PLEKHG3: variants seen among roughly 807,000 people sequenced by gnomAD.
The protein encoded by PLEKHG3 is pleckstrin homology domain-containing family G member 3.
In PLEKHG3, 62 loss-of-function variants were observed where a neutral mutation model predicts 94.9. The observed-to-expected ratio is 0.65, with a 90% CI of 0.53 to 0.81. PLEKHG3 has a LOEUF of 0.81. PLEKHG3 is among the 30% of genes least tolerant of loss of function. The pLI, the probability that PLEKHG3 is intolerant of heterozygous loss-of-function variation, is 0.00. For missense variants in PLEKHG3, 1,461 were observed against 1,619.3 expected (o/e 0.90, Z 1.68); for synonymous variants, 614 against 654.0 (o/e 0.94, Z 0.93).
chr14:64,714,711 C>A (rs2081110843), intron 1 of PLEKHG3, among the ~76,000 whole-genome samples: 1 of 152,216 alleles, frequency 6.6e-6, no homozygotes, highest in Non-Finnish European at 1.5e-5. Context: ...TATGACCAGG[C>A]AGCGGAGAGG....
rs2081922597 is a variant in PLEKHG3 at position 64,750,158 on chromosome 14, C to G, written c.*6455C>G. The G allele has an allele frequency of 6.2e-7, 1 of 1,609,718 alleles. No individual in the cohort carries two copies. Among genetic ancestry groups the G allele is most frequent in the African/African-American group, 1.3e-5 (1 of 74,816 alleles). On this transcript the variant is annotated 3_prime_UTR_variant, in exon 17 of 17. Coordinates refer to ENST00000247226, the MANE Select transcript of PLEKHG3 (RefSeq NM_001308147.2). ...ACAGTACAGGTTGTTCCAGGACCTG[C>G]AAAGATGCAGACAGGCAGGTCACCC...
At chr14:64,734,433 G>A (rs1341564997) in intron 12 of PLEKHG3, among the ~76,000 whole-genome samples, 2 of 152,134 alleles carry the variant, frequency 1.3e-5, no homozygotes, top group African/African-American at 4.8e-5. Context: ...TGTTAGCATC[G>A]AAACTTTAGC....
intron 12 of PLEKHG3, among the ~76,000 whole-genome samples, chr14:64,734,075 G>A (rs973862918): frequency 1.3e-5 from 2 of 152,222 alleles, no homozygotes; most frequent in Non-Finnish European, 2.9e-5. Context: ...GAATGTGTGT[G>A]TGGATTGACA....
intron 1 of PLEKHG3, among the ~76,000 whole-genome samples, chr14:64,708,185 C>T (rs956196504): frequency 6.6e-6 from 1 of 152,266 alleles, no homozygotes; most frequent in East Asian, 1.9e-4. Context: ...ACGTGGGACT[C>T]CCAGGTATGT....
chr14:64,724,137 G>A (rs1280122260), intron 1 of PLEKHG3, among the ~76,000 whole-genome samples: 1 of 152,018 alleles, frequency 6.6e-6, no homozygotes, highest in Admixed American at 6.5e-5. Context: ...AGCACCAGGG[G>A]AGGCACTTTA....
chr14:64,742,115 G>A lies in PLEKHG3; in HGVS notation c.2598G>A (p.Pro866=), dbSNP rs374426441. The A allele has an allele frequency of 6.2e-6, 10 of 1,610,430 alleles. No individual in the cohort carries two copies. In the African/African-American group the frequency reaches 1.2e-4, roughly 19 times the overall value. ...CAGAGGAGTCGGCCACTGCCTCCCC[G>A]GAAAGCTCCTCTCCCACTGAGGGGC... ...AITEESATAS[P]ESSSPTEGRS... is the part of the protein sequence containing the mutation. Residue 866 remains proline (P), a synonymous_variant, in exon 16 of 17, where the codon CCG becomes CCA. Coordinates refer to ENST00000247226, the MANE Select transcript of PLEKHG3 (RefSeq NM_001308147.2).
rs547304370 is a variant in PLEKHG3 at position 64,722,571 on chromosome 14, G to A, written c.-39-5022G>A. ...CCGTGTGGATTCCTCCCCAGCTGGG[G>A]CCTTTGGAGCAGCTGCCCCATGGGG... On this transcript the variant is annotated intron_variant, in intron 1 of 16. Coordinates refer to ENST00000247226, the MANE Select transcript of PLEKHG3 (RefSeq NM_001308147.2). This position sits in a 1 kb window ranked among gnomAD's most constrained non-coding sequence, Gnocchi z 4.3. Among the ~76,000 whole-genome samples the A allele has an allele frequency of 6.6e-6, 1 of 152,234 alleles. No homozygotes were observed. The highest frequency in any genetic ancestry group is 2.4e-5 in the African/African-American group (1 of 41,542).
At position 64,745,727 on chromosome 14, in the gene PLEKHG3, A is replaced by C. The variant is rs2081823037; in HGVS notation, c.*2024A>C. The C allele has an allele frequency of 2.0e-5, 3 of 152,228 alleles. 1 individual carries two copies. The South Asian group carries it at 6.2e-4, about 32-fold the overall frequency. The allele number at this position is 152,228 out of a possible 1,614,324, so 9.4% of individuals were successfully genotyped here. A position where few individuals can be genotyped will look rare whatever the true frequency, so the allele number is the denominator to read the frequency against. ...CAAGAGAGGTTGTCACTAGCCTCTGATCTTCCCTTGAAGAACCCGACTGGG... is the reference window on the plus strand; with the variant it reads ...CAAGAGAGGTTGTCACTAGCCTCTGCTCTTCCCTTGAAGAACCCGACTGGG... On this transcript the variant is annotated 3_prime_UTR_variant, in exon 17 of 17. Coordinates refer to ENST00000247226, the MANE Select transcript of PLEKHG3 (RefSeq NM_001308147.2). The surrounding 1 kb of genome is among the most constrained non-coding windows in gnomAD (Gnocchi z 5.0).
chr14:64,723,822 G>C lies in PLEKHG3; in HGVS notation c.-39-3771G>C, dbSNP rs1380130927. 1.3e-5 allele frequency: 2 copies of C among 152,316 alleles called. No individual in the cohort carries two copies. The highest frequency in any genetic ancestry group is 1.3e-4 in the Admixed American group (2 of 15,282). 9.4% of individuals were successfully genotyped at this position (152,316 alleles called of 1,614,324 possible). A position where few individuals can be genotyped will look rare whatever the true frequency, so the allele number is the denominator to read the frequency against. On this transcript the variant is annotated intron_variant, in intron 1 of 16. Coordinates refer to ENST00000247226, the MANE Select transcript of PLEKHG3 (RefSeq NM_001308147.2). This position sits in a 1 kb window ranked among gnomAD's most constrained non-coding sequence, Gnocchi z 4.5. ...GGCCGAGAAAGCGAGTTTTCTAGAA[G>C]ACTGATTCACTGATTGATGACTGAC...
intron 1 of PLEKHG3, among the ~76,000 whole-genome samples, chr14:64,707,310 C>A (rs530838487): frequency 2.6e-5 from 4 of 152,234 alleles, no homozygotes; most frequent in Non-Finnish European, 5.9e-5. Context: ...CAGATTCCCA[C>A]ACCGTCTTTT....
intron 12 of PLEKHG3, among the ~76,000 whole-genome samples, chr14:64,734,783 C>T (rs1483584651): frequency 6.6e-6 from 1 of 150,606 alleles, no homozygotes; most frequent in Non-Finnish European, 1.5e-5. Context: ...TGCAGTGGCA[C>T]CATCTCTACT....
intron 14 of PLEKHG3, 21 bp downstream of exon 14, chr14:64,737,396 G>T (rs745496868): frequency 5.1e-6 from 8 of 1,563,296 alleles, no homozygotes; most frequent in Non-Finnish European, 6.1e-6. Context: ...GTGGGAGGAG[G>T]GGACTGGCTG....
chr14:64,711,774 T>C (rs1472933636), intron 1 of PLEKHG3, among the ~76,000 whole-genome samples: 1 of 152,242 alleles, frequency 6.6e-6, no homozygotes, highest in Non-Finnish European at 1.5e-5. Flanking sequence ...CAGATATTTT[T>C]TCCCATTCTG....
chr14:64,737,081 C>T (rs912871265), intron 13 of PLEKHG3, 190 bp downstream of exon 13: 14 of 669,708 alleles, frequency 2.1e-5, no homozygotes, highest in African/African-American at 1.8e-4. Context: ...CTGGAGCTCT[C>T]CCCCATGCAC....
rs1415191711 is a variant in PLEKHG3 at position 64,716,550 on chromosome 14, C to CACACACACACAA, written c.-39-11042_-39-11041insCACACACACAAA. Reference sequence around the variant, plus strand: ...ACACACACACACACACACACACACACAAAGCAGAGTTAATCTCCCACTTCT... The same window carrying CACACACACACAA: ...ACACACACACACACACACACACACACACACACACACAAAAAGCAGAGTTAATCTCCCACTTCT... On this transcript the variant is annotated intron_variant, in intron 1 of 16. Transcript: ENST00000247226. The surrounding 1 kb of genome is among the most constrained non-coding windows in gnomAD (Gnocchi z 5.0). Among the ~76,000 whole-genome samples the CACACACACACAA allele has an allele frequency of 2.1e-5, 3 of 142,836 alleles. No homozygotes were observed. In the South Asian group the frequency reaches 6.7e-4, roughly 32 times the overall value. 93.7% of individuals were successfully genotyped at this position (142,836 alleles called of 152,430 possible).
rs1289898360 is a variant in PLEKHG3, at chr14:64,731,749, C to A, written c.1068C>A (p.Asp356Glu). 1 of 1,613,530 alleles carries A rather than the reference C, an allele frequency of 6.2e-7. No homozygotes were observed. Among genetic ancestry groups the A allele is most frequent in the Non-Finnish European group, 8.5e-7 (1 of 1,179,650 alleles). The change falls in exon 9 of 17, where the codon GAC becomes GAA. Residue 356 changes from aspartate (D) to glutamate (E), a missense_variant. Physicochemically the swap from Asp to Glu is conservative, Grantham distance 45. Coordinates refer to ENST00000247226, the MANE Select transcript of PLEKHG3 (RefSeq NM_001308147.2). The surrounding 1 kb of genome is among the most constrained non-coding windows in gnomAD (Gnocchi z 6.1). Reference protein sequence around the residue: ...SSLMLIESTRDSLCFTVTHYK... With the variant: ...SSLMLIESTRESLCFTVTHYK... ...TGATGCTGATCGAAAGCACCAGAGA[C>A]TCCCTGTGCTTCACTGTCACCCACT... is the stretch of plus-strand genomic sequence containing the variant.
intron 16 of PLEKHG3, 26 bp downstream of exon 16, chr14:64,742,481 CT>C: frequency 6.5e-7 from 1 of 1,534,028 alleles, no homozygotes. Flanking sequence ...CAAGTGGGCC[CT>C]TCCCCAAGTC....
chr14:64,727,675 G>C lies in PLEKHG3; in HGVS notation c.44G>C (p.Arg15Pro), dbSNP rs775460208. Residue 15 changes from arginine to proline, a missense_variant, in exon 2 of 17, where the codon CGG (arginine) becomes CCG (proline). This residue lies in a region of PLEKHG3 where 253 missense variants were observed against 297.8 expected (regional missense o/e 0.85). Coordinates refer to ENST00000247226, the MANE Select transcript of PLEKHG3 (RefSeq NM_001308147.2). This position sits in a 1 kb window ranked among gnomAD's most constrained non-coding sequence, Gnocchi z 6.0. The part of the protein sequence containing the change: ...TSLHQDGSQE[R>P]PVSLTSTTSS... The stretch of plus-strand genomic sequence containing the variant: ...CTCCACCAGGATGGCAGCCAGGAGC[G>C]GCCGGTGAGCCTGACCTCTACCACC... 1 of 1,612,542 alleles carries C rather than the reference G, an allele frequency of 6.2e-7. No homozygotes were observed. The highest frequency in any genetic ancestry group is 2.2e-5 in the East Asian group (1 of 44,866).
At position 64,732,746 on chromosome 14, in the gene PLEKHG3, G is replaced by A. The variant is rs2081492863; in HGVS notation, c.1247-57G>A. 3 of 1,350,698 alleles carry A rather than the reference G, an allele frequency of 2.2e-6. No homozygotes were observed. Among genetic ancestry groups the A allele is most frequent in the South Asian group, 1.3e-5 (1 of 79,860 alleles). 83.7% of individuals were successfully genotyped at this position (1,350,698 alleles called of 1,614,324 possible). On this transcript the variant is annotated intron_variant, in intron 11 of 16. Transcript: ENST00000247226. The surrounding 1 kb of genome is among the most constrained non-coding windows in gnomAD (Gnocchi z 4.9). ...TCTGGCTGGTTATGGACAGGGTCTA[G>A]GGTAGGCCAAGGCCAATTGGGAATC...
Sources: allele counts gnomAD v4.1 joint callset (sites outside exome capture counted in the v4.1 genomes callset), GRCh38; gene constraint gnomAD v4.1.1; regional missense constraint gnomAD v4.1.1; non-coding constraint Gnocchi (gnomAD v3.1); transcripts MANE v1.5; gene names NCBI Gene and HGNC (gene_info 2026-07-23, HGNC 2026-07-21).